Variants in CAMKV observed in about 807,000 individuals in gnomAD.
CAMKV encodes caM kinase-like vesicle-associated protein.
In CAMKV, 5 loss-of-function variants were observed where a neutral mutation model predicts 50.2. That is an observed-to-expected ratio of 0.10 (90% confidence interval 0.05 to 0.21). CAMKV has a LOEUF of 0.21. CAMKV is among the 10% of genes least tolerant of loss of function. The pLI is 1.00. For missense variants in CAMKV, 361 were observed against 650.5 expected (o/e 0.55, Z 4.84); for synonymous variants, 229 against 250.1 (o/e 0.92, Z 0.80).
rs190361533 is a variant in CAMKV at position 49,858,099 on chromosome 3, C to T, written c.*1219G>A. ...GCATGCAGGGAGAAGGGCAGGACCA[C>T]CACGGAGTGCCGAGCAAGGGCGAGG... is the stretch of plus-strand genomic sequence containing the variant. On this transcript the variant is annotated 3_prime_UTR_variant, in exon 11 of 11. Coordinates refer to ENST00000477224, the MANE Select transcript of CAMKV (RefSeq NM_024046.5). The T allele has an allele frequency of 3.2e-4, 127 of 396,244 alleles. No homozygotes were observed. The East Asian group carries it at 4.4e-3, about 14-fold the overall frequency. The allele number at this position is 396,244 out of a possible 1,614,324, so 24.5% of individuals were successfully genotyped here.
Position 49,859,068 on chromosome 3 carries a change from A to C in CAMKV, c.*250T>G. On this transcript the variant is annotated 3_prime_UTR_variant, in exon 11 of 11. Transcript: ENST00000477224. This position sits in a 1 kb window ranked among gnomAD's most constrained non-coding sequence, Gnocchi z 5.5. Reference sequence around the variant, plus strand: ...GAACAGAAACTGGTGAAGCTAGCAAAAGACAGAAAAGCCACAAGGAATCCA... The same window carrying C: ...GAACAGAAACTGGTGAAGCTAGCAACAGACAGAAAAGCCACAAGGAATCCA... The C allele has an allele frequency of 2.3e-6, 1 of 430,546 alleles. No homozygotes were observed. The allele number at this position is 430,546 out of a possible 1,614,324, so 26.7% of individuals were successfully genotyped here.
In CAMKV at chr3:49,862,280, G is replaced by GGCCC; in HGVS notation, c.95+10_95+13dup. 3 of 1,614,144 alleles carry GGCCC rather than the reference G, an allele frequency of 1.9e-6. No individual in the cohort carries two copies. The highest frequency in any genetic ancestry group is 2.5e-6 in the Non-Finnish European group (3 of 1,179,986). On this transcript the variant is annotated intron_variant, in intron 2 of 10. Transcript: ENST00000477224. The surrounding 1 kb of genome is among the most constrained non-coding windows in gnomAD (Gnocchi z 5.2). ...CCAGCCCACCCAGCCTTGCCTGACAGGCCCGGCACTCACGTCTTGATGACC... is the reference window on the plus strand; with the variant it reads ...CCAGCCCACCCAGCCTTGCCTGACAGGCCCGCCCGGCACTCACGTCTTGATGACC...
chr3:49,864,011 T>G (rs144888442), intron 1 of CAMKV, among the ~76,000 whole-genome samples: 1 of 152,306 alleles, frequency 6.6e-6, no homozygotes, highest in East Asian at 1.9e-4. Context: ...CAAACTCTTT[T>G]CTGGAAGAAT....
Position 49,861,747 on chromosome 3 carries a change from G to A in CAMKV, c.302+44C>T. On this transcript the variant is annotated intron_variant, in intron 4 of 10. Transcript: ENST00000477224. The surrounding 1 kb of genome is among the most constrained non-coding windows in gnomAD (Gnocchi z 7.7). ...GCTGCAGAGGGTGGGACAGGTGAAA[G>A]CCCTGGGCGCTGGGGAATCTTGGGT... 1 of 1,607,586 alleles carries A rather than the reference G, an allele frequency of 6.2e-7. No homozygotes were observed. Among genetic ancestry groups the A allele is most frequent in the Non-Finnish European group, 8.5e-7 (1 of 1,174,492 alleles).
At position 49,861,097 on chromosome 3, in the gene CAMKV, G is replaced by T; in HGVS notation, c.563-79C>A. ...ACCATCCACACCAGCTTCCTGAGATGAGCACATTTTCCCCCTGCCCAGAGC... is the reference window on the plus strand; with the variant it reads ...ACCATCCACACCAGCTTCCTGAGATTAGCACATTTTCCCCCTGCCCAGAGC... On this transcript the variant is annotated intron_variant, in intron 6 of 10. Transcript: ENST00000477224. This position sits in a 1 kb window ranked among gnomAD's most constrained non-coding sequence, Gnocchi z 7.7. 6.2e-7 allele frequency: 1 copy of T among 1,602,792 alleles called. No individual in the cohort carries two copies. Among genetic ancestry groups the T allele is most frequent in the South Asian group, 1.1e-5 (1 of 89,952 alleles).
chr3:49,861,168 C>G lies in CAMKV; in HGVS notation c.562+12G>C. ...CCATTATCCCCCTGCCCCTGCCCCACCCCCTGCTTGCCCAGATACTCGGGG... is the reference window on the plus strand; with the variant it reads ...CCATTATCCCCCTGCCCCTGCCCCAGCCCCTGCTTGCCCAGATACTCGGGG... On this transcript the variant is annotated intron_variant, in intron 6 of 10. Transcript: ENST00000477224. The surrounding 1 kb of genome is among the most constrained non-coding windows in gnomAD (Gnocchi z 7.7). 1 of 1,609,904 alleles carries G rather than the reference C, an allele frequency of 6.2e-7. No homozygotes were observed. The highest frequency in any genetic ancestry group is 8.5e-7 in the Non-Finnish European group (1 of 1,178,274).
rs1284693414 is a variant in CAMKV at position 49,861,803 on chromosome 3, A to C, written c.290T>G (p.Ile97Ser). ...DVFVTRKEYFIFLELATGREV... is the reference protein window; with the variant it reads ...DVFVTRKEYFSFLELATGREV... ...GACCCACACTCACAGCTCCAGGAAG[A>C]TAAAGTACTCCTTGCGGGTCACAAA... The change falls in exon 4 of 11, where the codon ATC (isoleucine) becomes AGC (serine). Residue 97 changes from isoleucine to serine, a missense_variant. By Grantham distance (142) the Ile-to-Ser change is moderately radical (BLOSUM62 -2). This residue lies in a region of CAMKV where 172 missense variants were observed against 414.3 expected (regional missense o/e 0.42). Transcript: ENST00000477224. This position sits in a 1 kb window ranked among gnomAD's most constrained non-coding sequence, Gnocchi z 7.7. 6.2e-7 allele frequency: 1 copy of C among 1,613,876 alleles called. No homozygotes were observed. Among genetic ancestry groups the C allele is most frequent in the Non-Finnish European group, 8.5e-7 (1 of 1,179,894 alleles).
chr3:49,867,847 G>A (rs1575410532), intron 1 of CAMKV, among the ~76,000 whole-genome samples: 1 of 152,280 alleles, frequency 6.6e-6, no homozygotes, highest in African/African-American at 2.4e-5. Context: ...GGCACAAAGG[G>A]CAGGAAAGGG....
chr3:49,863,984 A>G (rs988169489), intron 1 of CAMKV, among the ~76,000 whole-genome samples: 6 of 152,198 alleles, frequency 3.9e-5, no homozygotes, highest in African/African-American at 1.4e-4. Flanking sequence ...TAAAGTTTAC[A>G]TACTGATGTA....
At chr3:49,863,829 T>A (rs1012572388) in intron 1 of CAMKV, among the ~76,000 whole-genome samples, 4 of 151,930 alleles carry the variant, frequency 2.6e-5, no homozygotes, top group Admixed American at 6.6e-5. Context: ...GGCTAATTTT[T>A]AAAAATTTTT....
At position 49,859,923 on chromosome 3, in the gene CAMKV, C is replaced by G; in HGVS notation, c.943-42G>C. 1 of 1,493,156 alleles carries G rather than the reference C, an allele frequency of 6.7e-7. No homozygotes were observed. Among genetic ancestry groups the G allele is most frequent in the Non-Finnish European group, 8.9e-7 (1 of 1,125,260 alleles). 92.5% of individuals were successfully genotyped at this position (1,493,156 alleles called of 1,614,324 possible). On this transcript the variant is annotated intron_variant, in intron 10 of 10. Coordinates refer to ENST00000477224, the MANE Select transcript of CAMKV (RefSeq NM_024046.5). The surrounding 1 kb of genome is among the most constrained non-coding windows in gnomAD (Gnocchi z 5.5). ...GGAGAAAGGCTAAGGGTGAGGCTTG[C>G]TGGATCCATTGCTTGGCAGTGACCA... is the stretch of plus-strand genomic sequence containing the variant.
At position 49,858,003 on chromosome 3, in the gene CAMKV, A is replaced by T. The variant is rs1255209807; in HGVS notation, c.*1315T>A. On this transcript the variant is annotated 3_prime_UTR_variant, in exon 11 of 11. Coordinates refer to ENST00000477224, the MANE Select transcript of CAMKV (RefSeq NM_024046.5). ...GGGTGGCCAGAGGCTTTGCAGGGTG[A>T]TGTTTATTTGCCAGGTTCAGTAGGC... 8.5e-6 allele frequency: 3 copies of T among 353,908 alleles called. No individual in the cohort carries two copies. Among genetic ancestry groups the T allele is most frequent in the Non-Finnish European group, 1.5e-5 (3 of 198,082 alleles). The allele number at this position is 353,908 out of a possible 1,614,324, so 21.9% of individuals were successfully genotyped here. A position where few individuals can be genotyped will look rare whatever the true frequency, so the allele number is the denominator to read the frequency against.
rs2108336458 is a variant in CAMKV, at chr3:49,869,660, C to T, written c.-15+98G>A. ...GGACCTCGAGCCCTCGCTGCGCCCC[C>T]GCGCACTCTGCATCCCGCACCTCGA... On this transcript the variant is annotated intron_variant, in intron 1 of 10. Coordinates refer to ENST00000477224, the MANE Select transcript of CAMKV (RefSeq NM_024046.5). The surrounding 1 kb of genome is among the most constrained non-coding windows in gnomAD (Gnocchi z 5.2). The T allele has an allele frequency of 6.6e-6, 1 of 152,474 alleles. No homozygotes were observed. Among genetic ancestry groups the T allele is most frequent in the African/African-American group, 2.4e-5 (1 of 41,588 alleles). The allele number at this position is 152,474 out of a possible 1,614,324, so 9.4% of individuals were successfully genotyped here.
At position 49,861,209 on chromosome 3, in the gene CAMKV, T is replaced by C; in HGVS notation, c.533A>G (p.Lys178Arg). Residue 178 changes from lysine to arginine, a missense_variant, in exon 6 of 11, where the codon AAG (lysine) becomes AGG (arginine). Coordinates refer to ENST00000477224, the MANE Select transcript of CAMKV (RefSeq NM_024046.5). This position sits in a 1 kb window ranked among gnomAD's most constrained non-coding sequence, Gnocchi z 7.7. The part of the protein sequence containing the change: ...HLAKLENGLI[K>R]EPCGTPEYLA... ...ATACTCGGGGGTCCCACAGGGCTCC[T>C]TGATGAGGCCATTTTCTAGCTTAGC... The C allele has an allele frequency of 6.2e-7, 1 of 1,612,208 alleles. No homozygotes were observed. Among genetic ancestry groups the C allele is most frequent in the Non-Finnish European group, 8.5e-7 (1 of 1,179,236 alleles).
chr3:49,859,926 G>T lies in CAMKV; in HGVS notation c.943-45C>A. 1 of 1,489,174 alleles carries T rather than the reference G, an allele frequency of 6.7e-7. No individual in the cohort carries two copies. The highest frequency in any genetic ancestry group is 8.9e-7 in the Non-Finnish European group (1 of 1,122,086). The allele number at this position is 1,489,174 out of a possible 1,614,324, so 92.2% of individuals were successfully genotyped here. On this transcript the variant is annotated intron_variant, in intron 10 of 10. Transcript: ENST00000477224. This position sits in a 1 kb window ranked among gnomAD's most constrained non-coding sequence, Gnocchi z 5.5. ...GAAAGGCTAAGGGTGAGGCTTGCTG[G>T]ATCCATTGCTTGGCAGTGACCAAAC...
chr3:49,862,458 T>G lies in CAMKV; in HGVS notation c.-14-56A>C. Reference sequence around the variant, plus strand: ...TACTACTCTCCACTTCCCCACAACATAGGGGCTGCTTTTGGGAGACCCCAA... The same window carrying G: ...TACTACTCTCCACTTCCCCACAACAGAGGGGCTGCTTTTGGGAGACCCCAA... On this transcript the variant is annotated intron_variant, in intron 1 of 10. Coordinates refer to ENST00000477224, the MANE Select transcript of CAMKV (RefSeq NM_024046.5). The surrounding 1 kb of genome is among the most constrained non-coding windows in gnomAD (Gnocchi z 5.2). 6.8e-7 allele frequency: 1 copy of G among 1,471,854 alleles called. No homozygotes were observed. Among genetic ancestry groups the G allele is most frequent in the Non-Finnish European group, 9.5e-7 (1 of 1,050,262 alleles). 91.2% of individuals were successfully genotyped at this position (1,471,854 alleles called of 1,614,324 possible).
chr3:49,862,111 T>A lies in CAMKV; in HGVS notation c.161A>T (p.Lys54Met), dbSNP rs1250012626. ...KTTGKLHTCKKFQKRDGRKVR... is the reference protein window; with the variant it reads ...KTTGKLHTCKMFQKRDGRKVR... ...CTTGCGGCCGTCCCGCTTCTGGAAC[T>A]TCTTGCAGGTGTGCAGCTTGCCTGT... Residue 54 changes from lysine (K) to methionine (M), a missense_variant, in exon 3 of 11, where the codon AAG becomes ATG. By Grantham distance (95) the Lys-to-Met change is moderately conservative. Transcript: ENST00000477224. This position sits in a 1 kb window ranked among gnomAD's most constrained non-coding sequence, Gnocchi z 5.2. 1 of 1,614,210 alleles carries A rather than the reference T, an allele frequency of 6.2e-7. No homozygotes were observed. Among genetic ancestry groups the A allele is most frequent in the Non-Finnish European group, 8.5e-7 (1 of 1,180,028 alleles).
rs765666578 is a variant in CAMKV at position 49,862,126 on chromosome 3, A to G, written c.146T>C (p.Leu49Pro). ...FRAKDKTTGKLHTCKKFQKRD... is the reference protein window; with the variant it reads ...FRAKDKTTGKPHTCKKFQKRD... ...CTTCTGGAACTTCTTGCAGGTGTGC[A>G]GCTTGCCTGTCGTCTTGTCCTTGGC... is the stretch of plus-strand genomic sequence containing the variant. Residue 49 changes from leucine (L) to proline (P), a missense_variant, in exon 3 of 11, where the codon CTG (leucine) becomes CCG (proline). Leu to Pro is a moderately conservative substitution (Grantham distance 98, BLOSUM62 -3). Coordinates refer to ENST00000477224, the MANE Select transcript of CAMKV (RefSeq NM_024046.5). This position sits in a 1 kb window ranked among gnomAD's most constrained non-coding sequence, Gnocchi z 5.2. 31 of 1,614,154 alleles carry G rather than the reference A, an allele frequency of 1.9e-5. No individual in the cohort carries two copies. The highest frequency in any genetic ancestry group is 2.5e-5 in the Non-Finnish European group (30 of 1,180,030).
In CAMKV at chr3:49,869,215, C is replaced by A. The variant is rs1299643019; in HGVS notation, c.-15+543G>T. 6.6e-6 allele frequency among the ~76,000 whole-genome samples: 1 copy of A among 152,186 alleles called. No individual in the cohort carries two copies. Among genetic ancestry groups the A allele is most frequent in the Non-Finnish European group, 1.5e-5 (1 of 68,032 alleles). On this transcript the variant is annotated intron_variant, in intron 1 of 10. Transcript: ENST00000477224. This position sits in a 1 kb window ranked among gnomAD's most constrained non-coding sequence, Gnocchi z 5.2. ...GTGCACGTGGGTCCATGCACTGGAC[C>A]CCCAGCTGGCACCCAGGTGAAGGCT...
Sources: allele counts gnomAD v4.1 joint callset (sites outside exome capture counted in the v4.1 genomes callset), GRCh38; gene constraint gnomAD v4.1.1; regional missense constraint gnomAD v4.1.1; non-coding constraint Gnocchi (gnomAD v3.1); transcripts MANE v1.5; gene names NCBI Gene and HGNC (gene_info 2026-07-23, HGNC 2026-07-21).